SCD5: variants seen among roughly 807,000 people sequenced by gnomAD.
SCD5 encodes the protein stearoyl-CoA desaturase 5, also known as acyl-CoA-desaturase 4.
A neutral mutation model predicts 30.4 loss-of-function variants in SCD5; 20 were observed. The ratio of observed to expected loss-of-function variants is 0.66; its 90% CI spans 0.46 to 0.96. The LOEUF (loss-of-function observed/expected upper bound fraction) is 0.96, where lower values mean the gene tolerates loss of function less well. Ranked by LOEUF, SCD5 falls within the 40% of genes least tolerant of loss-of-function variation. SCD5 has a pLI of 0.00. For synonymous variants in SCD5, 173 were observed against 176.4 expected (o/e 0.98, Z 0.16); for missense variants, 381 against 443.3 (o/e 0.86, Z 1.26).
chr4:82,634,941 T>C (rs1262873614), intron 4 of SCD5, among the ~76,000 whole-genome samples: 1 of 152,248 alleles, frequency 6.6e-6, no homozygotes, highest in East Asian at 1.9e-4. Flanking sequence ...CCTGGCTAAA[T>C]GTAGTGTTCA....
intron 2 of SCD5, among the ~76,000 whole-genome samples, chr4:82,702,921 C>A (rs1578028880): frequency 6.6e-6 from 1 of 152,208 alleles, no homozygotes; most frequent in East Asian, 1.9e-4. Flanking sequence ...CTCCCACTGA[C>A]ACAGTTCTGC....
chr4:82,645,833 A>T (rs1727624758), intron 3 of SCD5, among the ~76,000 whole-genome samples: 1 of 152,256 alleles, frequency 6.6e-6, no homozygotes. Context: ...TGGAGAAGAA[A>T]GGATTTGGGA....
At chr4:82,743,131 G>A (rs72906470) in intron 1 of SCD5, among the ~76,000 whole-genome samples, 5,695 of 152,188 alleles carry the variant, frequency 0.037, 366 homozygotes, top group African/African-American at 0.13. Flanking sequence ...TCAAAGGTTC[G>A]ATTATCAGCT....
intron 1 of SCD5, among the ~76,000 whole-genome samples, chr4:82,769,100 G>C (rs1037705004): frequency 6.6e-6 from 1 of 152,146 alleles, no homozygotes; most frequent in South Asian, 2.1e-4. Context: ...CTGGCTCTTC[G>C]CAGGTCCCTA....
At chr4:82,644,552 G>C (rs929126058) in intron 3 of SCD5, among the ~76,000 whole-genome samples, 2 of 152,200 alleles carry the variant, frequency 1.3e-5, no homozygotes, top group Non-Finnish European at 2.9e-5. Context: ...GTTAATAAAT[G>C]ATGAGTCTTG....
intron 2 of SCD5, among the ~76,000 whole-genome samples, chr4:82,683,377 A>G (rs890247139): frequency 2.0e-5 from 3 of 152,184 alleles, no homozygotes; most frequent in Non-Finnish European, 2.9e-5. Flanking sequence ...TGTAGTGCCC[A>G]TGTGAACACG....
At chr4:82,716,233 T>C (rs1240350448) in intron 1 of SCD5, among the ~76,000 whole-genome samples, 1 of 151,694 alleles carries the variant, frequency 6.6e-6, no homozygotes, top group African/African-American at 2.4e-5. Context: ...CAAAGCTCCC[T>C]GGAAGAACTC....
intron 3 of SCD5, among the ~76,000 whole-genome samples, chr4:82,639,046 C>T (rs186551268): frequency 2.1e-4 from 32 of 152,334 alleles, no homozygotes; most frequent in Admixed American, 7.2e-4. Flanking sequence ...AACCACCATG[C>T]TATTCTGCCT....
At chr4:82,701,183 G>A (rs1242082157) in intron 2 of SCD5, among the ~76,000 whole-genome samples, 1 of 152,054 alleles carries the variant, frequency 6.6e-6, no homozygotes, top group Admixed American at 6.5e-5. Context: ...AGTGGGTTTC[G>A]ATTAGTTGTA....
chr4:82,743,071 T>C (rs1305348751), intron 1 of SCD5, among the ~76,000 whole-genome samples: 1 of 152,010 alleles, frequency 6.6e-6, no homozygotes, highest in Non-Finnish European at 1.5e-5. Flanking sequence ...AGACTCCCAG[T>C]TGGATCCAGG....
chr4:82,796,218 C>CGAGAT (rs2148855807), intron 1 of SCD5, among the ~76,000 whole-genome samples: 1 of 150,198 alleles, frequency 6.7e-6, no homozygotes, highest in Admixed American at 6.6e-5. Flanking sequence ...TGCGGTGAGC[C>CGAGAT]GAGATCGCAC....
chr4:82,745,989 T>A (rs1720974263), intron 1 of SCD5, among the ~76,000 whole-genome samples: 1 of 152,236 alleles, frequency 6.6e-6, no homozygotes, highest in African/African-American at 2.4e-5. Context: ...AGTACCTGTC[T>A]ACTAGGTTGT....
intron 3 of SCD5, among the ~76,000 whole-genome samples, chr4:82,675,742 T>A (rs1193351162): frequency 6.6e-6 from 1 of 152,224 alleles, no homozygotes; most frequent in Non-Finnish European, 1.5e-5. Context: ...CTTCATTTTG[T>A]CATCTGAGAA....
At chr4:82,797,164 C>T (rs1722242689) in intron 1 of SCD5, among the ~76,000 whole-genome samples, 1 of 152,172 alleles carries the variant, frequency 6.6e-6, no homozygotes, top group African/African-American at 2.4e-5. Flanking sequence ...GCAGCTGGCA[C>T]CATGCCAAAA....
intron 2 of SCD5, among the ~76,000 whole-genome samples, chr4:82,687,730 C>G (rs2148823212): frequency 6.6e-6 from 1 of 152,282 alleles, no homozygotes; most frequent in East Asian, 1.9e-4. Flanking sequence ...GGTGATTTTT[C>G]TCCCACGCAC....
At chr4:82,765,458 T>C (rs1222711056) in intron 1 of SCD5, among the ~76,000 whole-genome samples, 3 of 152,210 alleles carry the variant, frequency 2.0e-5, no homozygotes, top group East Asian at 3.8e-4. Context: ...CCAAATACCT[T>C]AGATAAAATG....
chr4:82,701,979 A>G (rs1719853943), intron 2 of SCD5, among the ~76,000 whole-genome samples: 2 of 152,204 alleles, frequency 1.3e-5, no homozygotes, highest in African/African-American at 4.8e-5. Context: ...GGAAGTTGCA[A>G]GCAGTCTTTA....
intron 3 of SCD5, among the ~76,000 whole-genome samples, chr4:82,654,398 C>G (rs528816371): frequency 1.1e-4 from 16 of 152,258 alleles, no homozygotes; most frequent in South Asian, 2.1e-4. Context: ...GAATTCATCC[C>G]TTTTACTCTT....
At chr4:82,732,588 T>C (rs1338671334) in intron 1 of SCD5, among the ~76,000 whole-genome samples, 1 of 152,238 alleles carries the variant, frequency 6.6e-6, no homozygotes, top group Non-Finnish European at 1.5e-5. Flanking sequence ...GGTTACCACC[T>C]TGTGCCTTGA....
Sources: allele counts gnomAD v4.1 joint callset (sites outside exome capture counted in the v4.1 genomes callset), GRCh38; gene constraint gnomAD v4.1.1; transcripts MANE v1.5; gene names NCBI Gene and HGNC (gene_info 2026-07-23, HGNC 2026-07-21).